The following DEPTOR variants were observed in gnomAD, a reference collection of about 807,000 sequenced individuals.
DEPTOR encodes the protein DEP domain-containing mTOR-interacting protein.
In DEPTOR, 41 loss-of-function variants were observed where a neutral mutation model predicts 41.6. The observed-to-expected ratio is 0.98, with a 90% CI of 0.77 to 1.28. DEPTOR has a LOEUF of 1.28. Ranked by LOEUF, DEPTOR falls within the 50% of genes most tolerant of loss-of-function variation. The pLI, the probability that DEPTOR is intolerant of heterozygous loss-of-function variation, is 0.00. For synonymous variants in DEPTOR, 195 were observed against 192.3 expected (o/e 1.01, Z -0.12); for missense variants, 514 against 527.9 (o/e 0.97, Z 0.26).
At chr8:119,906,734 T>G (rs1222566810) in intron 1 of DEPTOR, among the ~76,000 whole-genome samples, 1 of 152,150 alleles carries the variant, frequency 6.6e-6, no homozygotes, top group Non-Finnish European at 1.5e-5. Flanking sequence ...GTTTATAGAC[T>G]TTACTGAAGG....
At chr8:120,045,638 G>T (rs1375017593) in intron 8 of DEPTOR, among the ~76,000 whole-genome samples, 1 of 152,194 alleles carries the variant, frequency 6.6e-6, no homozygotes, top group Non-Finnish European at 1.5e-5. Flanking sequence ...GCCTCCCAAA[G>T]TGCTAGGATT....
At chr8:119,896,499 T>TTTTG (rs139153233) in intron 1 of DEPTOR, among the ~76,000 whole-genome samples, 2 of 33,998 alleles carry the variant, frequency 5.9e-5, no homozygotes, top group Non-Finnish European at 1.6e-4. Flanking sequence ...TTCTTTGTGT[T>TTTTG]TTTGTTTTGT....
At chr8:119,885,422 A>G (rs971440859) in intron 1 of DEPTOR, among the ~76,000 whole-genome samples, 6 of 152,326 alleles carry the variant, frequency 3.9e-5, no homozygotes, top group African/African-American at 1.2e-4. Flanking sequence ...TTTTGAGGGA[A>G]TTACCTAATG....
chr8:119,971,094 T>A (rs1176581699), intron 4 of DEPTOR, among the ~76,000 whole-genome samples: 1 of 152,026 alleles, frequency 6.6e-6, no homozygotes, highest in Non-Finnish European at 1.5e-5. Context: ...TAGCCGGGCA[T>A]GGTGGCAGGC....
At chr8:120,014,739 T>C (rs1009312750) in intron 8 of DEPTOR, among the ~76,000 whole-genome samples, 1 of 152,014 alleles carries the variant, frequency 6.6e-6, no homozygotes, top group Non-Finnish European at 1.5e-5. Flanking sequence ...GCCAGGCTTG[T>C]CTCAAACTCC....
At chr8:119,935,054 C>A (rs1005612897) in intron 3 of DEPTOR, among the ~76,000 whole-genome samples, 6 of 152,138 alleles carry the variant, frequency 3.9e-5, no homozygotes, top group Admixed American at 3.3e-4. Flanking sequence ...TTGAGGAATT[C>A]ATCTAAGTAC....
intron 4 of DEPTOR, among the ~76,000 whole-genome samples, chr8:119,980,419 A>G (rs1828747345): frequency 6.7e-6 from 1 of 148,644 alleles, no homozygotes; most frequent in African/African-American, 2.5e-5. Context: ...AGAGGGCAGC[A>G]TGGTGTCCTG....
chr8:119,895,868 C>T (rs775650966), intron 1 of DEPTOR, among the ~76,000 whole-genome samples: 71 of 152,066 alleles, frequency 4.7e-4, no homozygotes, highest in Non-Finnish European at 7.5e-4. Flanking sequence ...TGACTTACAC[C>T]GATGCTTTGA....
At chr8:119,994,697 C>T (rs1027735273) in intron 4 of DEPTOR, among the ~76,000 whole-genome samples, 1 of 152,044 alleles carries the variant, frequency 6.6e-6, no homozygotes, top group African/African-American at 2.4e-5. Flanking sequence ...GTGGGCAGAT[C>T]ACGAGGTCAG....
At chr8:119,882,236 T>C (rs1827307468) in intron 1 of DEPTOR, among the ~76,000 whole-genome samples, 2 of 152,120 alleles carry the variant, frequency 1.3e-5, no homozygotes. Flanking sequence ...AAGTTATGGC[T>C]TCCATCAGCT....
At position 119,928,394 on chromosome 8, in the gene DEPTOR, T is replaced by C. The variant is rs1368677561; in HGVS notation, c.123-6T>C. 6.2e-7 allele frequency: 1 copy of C among 1,604,940 alleles called. No homozygotes were observed. The highest frequency in any genetic ancestry group is 1.3e-5 in the African/African-American group (1 of 74,526). On this transcript the variant is annotated splice_region_variant and splice_polypyrimidine_tract_variant and intron_variant, in intron 1 of 8. Transcript: ENST00000286234. The stretch of plus-strand genomic sequence containing the variant: ...TTTCCAAAGTAATTGCTAATTTTTC[T>C]TTCAGGCTCAGGCTGCACGAAGAAA...
At chr8:119,908,050 G>T (rs898616046) in intron 1 of DEPTOR, among the ~76,000 whole-genome samples, 3 of 152,132 alleles carry the variant, frequency 2.0e-5, no homozygotes, top group Admixed American at 2.0e-4. Context: ...GAGGATGAGA[G>T]GGTTGGAACT....
intron 3 of DEPTOR, among the ~76,000 whole-genome samples, chr8:119,959,194 GC>G (rs1290327199): frequency 3.5e-5 from 4 of 115,328 alleles, no homozygotes; most frequent in African/African-American, 1.4e-4. Context: ...ACAGAATCTC[GC>G]TCTGTCACCC....
chr8:119,896,268 G>A (rs1586603534), intron 1 of DEPTOR, among the ~76,000 whole-genome samples: 1 of 152,086 alleles, frequency 6.6e-6, no homozygotes. Context: ...AAATGAGAAA[G>A]CAAAGGCTTA....
chr8:120,044,168 A>T (rs537868762), intron 8 of DEPTOR, among the ~76,000 whole-genome samples: 128 of 150,956 alleles, frequency 8.5e-4, no homozygotes, highest in African/African-American at 2.7e-3. Flanking sequence ...TTATTTATTT[A>T]TTTATTTTTT....
At chr8:119,965,580 G>A (rs368143045) in intron 4 of DEPTOR, among the ~76,000 whole-genome samples, 170 bp downstream of exon 4, 24 of 152,296 alleles carry the variant, frequency 1.6e-4, no homozygotes, top group African/African-American at 5.8e-4. Context: ...TGTGCTCCAC[G>A]CCTTTCCATT....
intron 3 of DEPTOR, among the ~76,000 whole-genome samples, chr8:119,943,982 C>T (rs921929542): frequency 3.3e-5 from 5 of 151,958 alleles, no homozygotes; most frequent in East Asian, 3.9e-4. Context: ...GGACTACAGG[C>T]GCCCGCCACC....
chr8:119,959,714 AGAGAT>A (rs1456259644), intron 3 of DEPTOR, among the ~76,000 whole-genome samples: 1 of 151,894 alleles, frequency 6.6e-6, no homozygotes, highest in Non-Finnish European at 1.5e-5. Context: ...TATTTTTAGT[AGAGAT>A]GGGGTTTCAC....
At chr8:119,962,086 C>CAAAAAAAAA (rs772605916) in intron 3 of DEPTOR, among the ~76,000 whole-genome samples, 120 of 46,788 alleles carry the variant, frequency 2.6e-3, no homozygotes, top group Middle Eastern at 0.014. Flanking sequence ...ACTAAAAATA[C>CAAAAAAAAA]AAAAAAAAAA....
Sources: allele counts gnomAD v4.1 joint callset (sites outside exome capture counted in the v4.1 genomes callset), GRCh38; gene constraint gnomAD v4.1.1; transcripts MANE v1.5; gene names NCBI Gene and HGNC (gene_info 2026-07-23, HGNC 2026-07-21).